Variants in SMC6 observed in about 807,000 individuals in gnomAD.
SMC6 encodes structural maintenance of chromosomes 6.
A neutral mutation model predicts 142.2 loss-of-function variants in SMC6; 79 were observed. That is an observed-to-expected ratio of 0.56 (90% confidence interval 0.46 to 0.67). The LOEUF is 0.67. Ranked by LOEUF, SMC6 falls within the 30% of genes least tolerant of loss-of-function variation. The pLI is 0.00. For synonymous variants in SMC6, 411 were observed against 412.4 expected (o/e 1.00, Z 0.04); for missense variants, 1,072 against 1,284.0 (o/e 0.83, Z 2.52).
intron 26 of SMC6, 112 bp downstream of exon 26, chr2:17,670,311 G>T: frequency 1.8e-6 from 2 of 1,103,054 alleles, no homozygotes; most frequent in South Asian, 1.6e-5. Flanking sequence ...TAAAGAGTCA[G>T]GGCAGGATCT....
At chr2:17,681,457 C>A (rs1403820258) in intron 24 of SMC6, 2 of 152,218 alleles carry the variant, frequency 1.3e-5, no homozygotes, top group Non-Finnish European at 2.9e-5. Flanking sequence ...TTTTGACATA[C>A]CTTCCTCACT....
intron 23 of SMC6, among the ~76,000 whole-genome samples, chr2:17,693,417 C>T (rs900457577): frequency 6.6e-6 from 1 of 152,074 alleles, no homozygotes; most frequent in African/African-American, 2.4e-5. Context: ...AAGCTGGAAA[C>T]CATCATTCTC....
intron 6 of SMC6, 103 bp from the exon 7 acceptor site, chr2:17,731,242 GCAT>G (rs1182379473): frequency 1.1e-5 from 8 of 742,288 alleles, no homozygotes; most frequent in African/African-American, 5.3e-5. Context: ...AGCTTTCATT[GCAT>G]CATCAAGAAA....
intron 5 of SMC6, among the ~76,000 whole-genome samples, chr2:17,736,707 T>TA (rs746795932): frequency 0.042 from 5,469 of 130,132 alleles, 281 homozygotes; most frequent in African/African-American, 0.13. Context: ...CCTTCGCTAC[T>TA]AAAAAAAAAA....
chr2:17,725,042 G>A (rs1052039093), intron 9 of SMC6, among the ~76,000 whole-genome samples: 1 of 152,130 alleles, frequency 6.6e-6, no homozygotes, highest in African/African-American at 2.4e-5. Context: ...AATAGAGAAA[G>A]TAAGACATGT....
chr2:17,704,438 G>A (rs1037324227), intron 18 of SMC6, among the ~76,000 whole-genome samples: 6 of 152,168 alleles, frequency 3.9e-5, no homozygotes, highest in African/African-American at 1.4e-4. Flanking sequence ...ATAAAAATGA[G>A]TCTCCATACA....
intron 23 of SMC6, among the ~76,000 whole-genome samples, chr2:17,693,244 A>G (rs1667815470): frequency 6.6e-6 from 1 of 152,202 alleles, no homozygotes; most frequent in Non-Finnish European, 1.5e-5. Flanking sequence ...ATAAAGACAC[A>G]TGCACATGTA....
At chr2:17,707,897 CT>C (rs772417365) in intron 17 of SMC6, among the ~76,000 whole-genome samples, 4 of 151,116 alleles carry the variant, frequency 2.6e-5, no homozygotes, top group Non-Finnish European at 5.9e-5. Context: ...GGGGACAGAC[CT>C]TTACAACAAC....
At chr2:17,709,764 C>CA (rs945594352) in intron 16 of SMC6, among the ~76,000 whole-genome samples, 7 of 151,732 alleles carry the variant, frequency 4.6e-5, no homozygotes, top group Non-Finnish European at 1.0e-4. Flanking sequence ...TTTACACACA[C>CA]AAAAAAAGAC....
intron 16 of SMC6, chr2:17,713,554 G>T (rs1175002922): frequency 4.2e-6 from 2 of 470,844 alleles, no homozygotes; most frequent in Non-Finnish European, 8.8e-6. Flanking sequence ...GGCCCCACCA[G>T]AATGGCCAGG....
intron 4 of SMC6, chr2:17,740,670 C>T (rs79727480): frequency 4.0e-4 from 168 of 416,992 alleles, no homozygotes; most frequent in Non-Finnish European, 6.2e-4. Flanking sequence ...GCCTGGCCAA[C>T]ATGGTGAAAC....
intron 2 of SMC6, chr2:17,746,514 A>C (rs1374648617): frequency 6.6e-6 from 1 of 152,180 alleles, no homozygotes; most frequent in African/African-American, 2.4e-5. Context: ...TAAAACTTTT[A>C]ATTTTTAAGT....
chr2:17,689,918 G>A (rs955966352), intron 23 of SMC6, among the ~76,000 whole-genome samples: 2 of 152,088 alleles, frequency 1.3e-5, no homozygotes, highest in African/African-American at 4.8e-5. Context: ...TTTTCAATCT[G>A]TGGTTGGTTG....
intron 12 of SMC6, among the ~76,000 whole-genome samples, chr2:17,717,400 T>G (rs185610838): frequency 2.0e-5 from 3 of 152,180 alleles, no homozygotes; most frequent in Non-Finnish European, 2.9e-5. Flanking sequence ...GGCCAGGTGC[T>G]GTGGCTCACG....
At chr2:17,680,876 G>A (rs1667209074) in intron 24 of SMC6, 1 of 152,152 alleles carries the variant, frequency 6.6e-6, no homozygotes, top group Non-Finnish European at 1.5e-5. Flanking sequence ...TAAACTTAAA[G>A]TCACTAGCTT....
intron 5 of SMC6, among the ~76,000 whole-genome samples, chr2:17,735,905 G>T (rs1034955043): frequency 6.6e-6 from 1 of 152,190 alleles, no homozygotes. Flanking sequence ...CGAGTATAAT[G>T]TTAGAGATGG....
intron 5 of SMC6, among the ~76,000 whole-genome samples, chr2:17,736,108 A>C (rs1054249079): frequency 1.4e-4 from 22 of 152,212 alleles, no homozygotes; most frequent in African/African-American, 5.3e-4. Context: ...AAACAAGGGA[A>C]ATTTTATAAA....
chr2:17,666,274 A>G (rs1348027756), intron 27 of SMC6, 146 bp downstream of exon 27: 1 of 573,454 alleles, frequency 1.7e-6, no homozygotes, highest in African/African-American at 1.9e-5. Flanking sequence ...AGAGAAAAAC[A>G]TCCCAAATCT....
chr2:17,691,743 G>A (rs879122774), intron 23 of SMC6, among the ~76,000 whole-genome samples: 1 of 151,984 alleles, frequency 6.6e-6, no homozygotes, highest in Non-Finnish European at 1.5e-5. Flanking sequence ...GGAAATAAAG[G>A]GTATTCAATT....
Sources: allele counts gnomAD v4.1 joint callset (sites outside exome capture counted in the v4.1 genomes callset), GRCh38; gene constraint gnomAD v4.1.1; transcripts MANE v1.5; gene names NCBI Gene and HGNC (gene_info 2026-07-23, HGNC 2026-07-21).